Variants in FGF14 observed in about 807,000 individuals in gnomAD.
FGF14 encodes the protein fibroblast growth factor 14, also known as fibroblast growth factor homologous factor 4.
FGF14 carries 5 observed loss-of-function variants against 25.5 expected under a neutral mutation model. The observed-to-expected ratio is 0.20, with a 90% CI of 0.10 to 0.41. The LOEUF is 0.41. Among genes scored for constraint, FGF14 ranks in the 10% least tolerant of loss-of-function variants. The pLI is 1.00. For missense variants in FGF14, 222 were observed against 320.1 expected, an observed-to-expected ratio of 0.69 and a Z score of 2.34; for synonymous variants, 138 against 118.3, an observed-to-expected ratio of 1.17 and a Z score of -1.08.
At chr13:102,022,597 A>G (rs1000110242) in intron 1 of FGF14, among the ~76,000 whole-genome samples, 1 of 152,076 alleles carries the variant, frequency 6.6e-6, no homozygotes, top group Non-Finnish European at 1.5e-5. Context: ...TAAATAGATG[A>G]CACCGTCTCA....
intron 2 of FGF14, among the ~76,000 whole-genome samples, chr13:101,869,509 AC>A (rs751335300): frequency 2.8e-4 from 43 of 152,244 alleles, no homozygotes; most frequent in Non-Finnish European, 4.7e-4. Context: ...CATTAAAAAA[AC>A]TTAACATCCC....
chr13:101,910,008 C>T (rs1266053755), intron 1 of FGF14, among the ~76,000 whole-genome samples: 1 of 151,932 alleles, frequency 6.6e-6, no homozygotes, highest in Non-Finnish European at 1.5e-5. Flanking sequence ...AAACCAAACA[C>T]CGCACGTTCT....
chr13:102,230,425 G>A (rs1359523189), intron 1 of FGF14, among the ~76,000 whole-genome samples: 1 of 152,146 alleles, frequency 6.6e-6, no homozygotes, highest in Non-Finnish European at 1.5e-5. Context: ...AACAAACACT[G>A]CAATTACAAA....
intron 3 of FGF14, among the ~76,000 whole-genome samples, chr13:101,767,002 C>T (rs1036288958): frequency 1.3e-5 from 2 of 152,114 alleles, no homozygotes; most frequent in Non-Finnish European, 2.9e-5. Flanking sequence ...GCTTTAAATG[C>T]AATTAATCAC....
At chr13:102,235,499 C>G (rs745548811) in intron 1 of FGF14, among the ~76,000 whole-genome samples, 1 of 152,154 alleles carries the variant, frequency 6.6e-6, no homozygotes, top group Non-Finnish European at 1.5e-5. Flanking sequence ...TCTCATGTAA[C>G]AAAATCCTTA....
chr13:101,969,584 C>T (rs1017929024), intron 1 of FGF14, among the ~76,000 whole-genome samples: 3 of 152,066 alleles, frequency 2.0e-5, no homozygotes, highest in Non-Finnish European at 4.4e-5. Context: ...TGTGGTCTCC[C>T]TCATTTCTTA....
At chr13:102,208,811 G>T (rs1398803959) in intron 1 of FGF14, among the ~76,000 whole-genome samples, 1 of 152,084 alleles carries the variant, frequency 6.6e-6, no homozygotes, top group African/African-American at 2.4e-5. Flanking sequence ...TCAAGGGTGG[G>T]TCATATTTTC....
At chr13:101,937,607 T>C (rs981223229) in intron 1 of FGF14, among the ~76,000 whole-genome samples, 13 of 152,186 alleles carry the variant, frequency 8.5e-5, no homozygotes, top group Non-Finnish European at 1.8e-4. Context: ...TTTGTTTGTT[T>C]GTTTTTGAGA....
chr13:102,278,925 G>A (rs2053687129), intron 1 of FGF14, among the ~76,000 whole-genome samples: 1 of 152,002 alleles, frequency 6.6e-6, no homozygotes, highest in Non-Finnish European at 1.5e-5. Flanking sequence ...AAGATGATGT[G>A]ACACATTTTG....
At chr13:101,728,865 T>C (rs533631894) in intron 3 of FGF14, among the ~76,000 whole-genome samples, 144 of 152,224 alleles carry the variant, frequency 9.5e-4, no homozygotes, top group African/African-American at 3.2e-3. Context: ...ACCAGAAACG[T>C]AGGTCCACAG....
intron 1 of FGF14, among the ~76,000 whole-genome samples, chr13:102,329,013 T>C (rs1346229993): frequency 1.3e-5 from 2 of 152,146 alleles, no homozygotes; most frequent in Non-Finnish European, 2.9e-5. Flanking sequence ...GGAGTTCCAG[T>C]TCGTTCCTGA....
intron 1 of FGF14, among the ~76,000 whole-genome samples, chr13:102,007,247 T>C (rs1202694751): frequency 6.6e-6 from 1 of 152,176 alleles, no homozygotes; most frequent in African/African-American, 2.4e-5. Flanking sequence ...GTAACAAGGG[T>C]CTAAGGTATA....
chr13:101,938,790 C>A (rs2035263257), intron 1 of FGF14, among the ~76,000 whole-genome samples: 1 of 152,172 alleles, frequency 6.6e-6, no homozygotes, highest in South Asian at 2.1e-4. Flanking sequence ...GCTTTTCCCC[C>A]ATAAGCTTCT....
chr13:101,848,233 G>A (rs1391401148), intron 3 of FGF14, among the ~76,000 whole-genome samples: 1 of 151,868 alleles, frequency 6.6e-6, no homozygotes, highest in African/African-American at 2.4e-5. Flanking sequence ...GTCAAGATAT[G>A]CATTTTACCT....
Position 101,717,571 on chromosome 13 carries a change from T to C in FGF14, c.*5260A>G, listed in dbSNP as rs1009359199. 1 of 152,158 alleles carries C rather than the reference T, an allele frequency of 6.6e-6. No homozygotes were observed. Among genetic ancestry groups the C allele is most frequent in the African/African-American group, 2.4e-5 (1 of 41,444 alleles). The allele number at this position is 152,158 out of a possible 1,614,324, so 9.4% of individuals were successfully genotyped here. A position where few individuals can be genotyped will look rare whatever the true frequency, so the allele number is the denominator to read the frequency against. On this transcript the variant is annotated 3_prime_UTR_variant, in exon 5 of 5. Coordinates refer to ENST00000376143, the MANE Select transcript of FGF14 (RefSeq NM_004115.4). The stretch of plus-strand genomic sequence containing the variant: ...CATTATCTAGCCATCGTAATACAAA[T>C]GACCTTTGGATTTCTCTATCACGGC...
intron 1 of FGF14, among the ~76,000 whole-genome samples, chr13:102,182,805 G>A (rs2048729209): frequency 2.0e-5 from 3 of 152,126 alleles, no homozygotes; most frequent in South Asian, 4.1e-4. Flanking sequence ...TACAGAAGTA[G>A]ATGGATTATA....
rs117709305 is a variant in FGF14 at position 101,985,626 on chromosome 13, C to T, written c.209-110330G>A. 6.8e-3 allele frequency among the ~76,000 whole-genome samples: 1,035 copies of T among 152,102 alleles called. 7 individuals are homozygous for T. Among genetic ancestry groups the T allele is most frequent in the Non-Finnish European group, 0.011 (741 of 67,948 alleles). On this transcript the variant is annotated intron_variant, in intron 1 of 4. Transcript: ENST00000376131. ...TTTCTTTGTTGTAAAAAAGAGTCTA[C>T]GGTTGTAATAAAGAAACCTGAAAAT...
intron 1 of FGF14, among the ~76,000 whole-genome samples, chr13:101,953,858 G>T (rs938979585): frequency 6.6e-6 from 1 of 151,974 alleles, no homozygotes; most frequent in African/African-American, 2.4e-5. Context: ...TCAAAGTGCT[G>T]GGGTTACAGG....
intron 1 of FGF14, among the ~76,000 whole-genome samples, chr13:102,212,933 CA>C (rs1276086825): frequency 6.6e-6 from 1 of 152,186 alleles, no homozygotes; most frequent in Non-Finnish European, 1.5e-5. Context: ...CCACCCCCCA[CA>C]GTGCAAAACA....
Sources: gnomAD v4.1 joint callset for allele counts (sites outside exome capture counted in the v4.1 genomes callset) on GRCh38, gnomAD v4.1.1 for gene constraint, MANE v1.5 for transcripts, NCBI Gene and HGNC (gene_info 2026-07-23, HGNC 2026-07-21) for gene names.